Variants in GNG7 observed in about 807,000 individuals in gnomAD.
GNG7 encodes the protein G protein subunit gamma 7.
GNG7 carries 1 observed loss-of-function variant against 4.0 expected under a neutral mutation model. The ratio of observed to expected loss-of-function variants is 0.25; its 90% CI spans 0.09 to 1.18. The LOEUF is 1.18. Ranked by LOEUF, GNG7 falls within the 50% of genes most tolerant of loss-of-function variation. The probability of loss-of-function intolerance (pLI) is 0.50; values close to 1 mark genes in which losing one functional copy is unlikely to be tolerated. For synonymous variants in GNG7, 34 were observed against 36.9 expected, an observed-to-expected ratio of 0.92 and a Z score of 0.29; for missense variants, 86 against 91.9, an observed-to-expected ratio of 0.94 and a Z score of 0.26.
At chr19:2,584,133 C>T (rs1272698434) in intron 2 of GNG7, among the ~76,000 whole-genome samples, 1 of 151,856 alleles carries the variant, frequency 6.6e-6, no homozygotes, top group Non-Finnish European at 1.5e-5. Context: ...ATTATGGCAA[C>T]GTATCAGAAG....
At chr19:2,585,475 T>C (rs1418130295) in intron 2 of GNG7, among the ~76,000 whole-genome samples, 1 of 132,900 alleles carries the variant, frequency 7.5e-6, no homozygotes. Context: ...TGTAAACAGT[T>C]GGCATATTTG....
rs566569095 is a variant in GNG7, at chr19:2,512,270, G to A, written c.*2752C>T. ...CACCCCAGGGATTCCCGGCAGAAAA[G>A]CACATGTGGCGGTCGGTGTGTGCAC... On this transcript the variant is annotated 3_prime_UTR_variant, in exon 5 of 5. Transcript: ENST00000382159. The surrounding 1 kb of genome is among the most constrained non-coding windows in gnomAD (Gnocchi z 4.7). 3.4e-4 allele frequency: 337 copies of A among 985,886 alleles called. No homozygotes were observed. The African/African-American group carries it at 5.1e-3, about 15-fold the overall frequency. 61.1% of individuals were successfully genotyped at this position (985,886 alleles called of 1,614,324 possible). A position where few individuals can be genotyped will look rare whatever the true frequency, so the allele number is the denominator to read the frequency against.
rs1802200721 is a variant in GNG7, at chr19:2,634,618, G to T, written c.-78+11606C>A. On this transcript the variant is annotated intron_variant, in intron 2 of 4. Coordinates refer to ENST00000382159, the MANE Select transcript of GNG7 (RefSeq NM_052847.3). This position sits in a 1 kb window ranked among gnomAD's most constrained non-coding sequence, Gnocchi z 5.3. ...GCACACACGTTTTCTCTCGGGGAGG[G>T]TGGTAGCAATGAGCTGTGACCTTCC... Among the ~76,000 whole-genome samples the T allele has an allele frequency of 6.6e-6, 1 of 152,198 alleles. No individual in the cohort carries two copies. Among genetic ancestry groups the T allele is most frequent in the South Asian group, 2.1e-4 (1 of 4,832 alleles).
chr19:2,512,320 T>C lies in GNG7; in HGVS notation c.*2702A>G. 1 of 985,666 alleles carries C rather than the reference T, an allele frequency of 1.0e-6. No homozygotes were observed. The highest frequency in any genetic ancestry group is 4.7e-5 in the South Asian group (1 of 21,272). The allele number at this position is 985,666 out of a possible 1,614,324, so 61.1% of individuals were successfully genotyped here. A position where few individuals can be genotyped will look rare whatever the true frequency, so the allele number is the denominator to read the frequency against. On this transcript the variant is annotated 3_prime_UTR_variant, in exon 5 of 5. Transcript: ENST00000382159. The surrounding 1 kb of genome is among the most constrained non-coding windows in gnomAD (Gnocchi z 4.7). ...CTCGGGTGCCACGTCTGCAAAGGTATTTTCCACAGTGTGGTCACTGAAGTC... is the reference window on the plus strand; with the variant it reads ...CTCGGGTGCCACGTCTGCAAAGGTACTTTCCACAGTGTGGTCACTGAAGTC...
intron 1 of GNG7, chr19:2,683,741 A>T (rs1983800701): frequency 6.6e-6 from 1 of 152,478 alleles, no homozygotes; most frequent in South Asian, 2.1e-4. Context: ...ACCCTGGAGG[A>T]GGAGGGAGGG....
At chr19:2,598,020 G>A (rs1981078329) in intron 2 of GNG7, among the ~76,000 whole-genome samples, 1 of 152,156 alleles carries the variant, frequency 6.6e-6, no homozygotes, top group Admixed American at 6.6e-5. Context: ...GAAAAGTCTA[G>A]GGAGTTTCAG....
At chr19:2,644,208 A>T (rs894614169) in intron 2 of GNG7, among the ~76,000 whole-genome samples, 34 of 151,138 alleles carry the variant, frequency 2.2e-4, no homozygotes, top group African/African-American at 8.3e-4. Flanking sequence ...TTTAGTAGAA[A>T]CGGGGTTTCG....
chr19:2,552,689 G>T (rs939181660), intron 3 of GNG7, among the ~76,000 whole-genome samples: 1 of 151,444 alleles, frequency 6.6e-6, no homozygotes, highest in Non-Finnish European at 1.5e-5. Context: ...CCAGCCCAGG[G>T]ACCATCTAGT....
rs1191949913 is a variant in GNG7 at position 2,517,011 on chromosome 19, C to T, written c.82-1864G>A. On this transcript the variant is annotated intron_variant, in intron 4 of 4. Transcript: ENST00000382159. ...TACACGGGGACACGTCCATCTGGCC[C>T]TGGATCTCATCCCGTAACCGGTAAC... 3 of 152,222 alleles carry T rather than the reference C, an allele frequency of 2.0e-5. No individual in the cohort carries two copies. The East Asian group carries it at 5.8e-4, about 29-fold the overall frequency. The allele number at this position is 152,222 out of a possible 1,614,324, so 9.4% of individuals were successfully genotyped here.
At chr19:2,590,826 T>C (rs1276714587) in intron 2 of GNG7, among the ~76,000 whole-genome samples, 8 of 107,154 alleles carry the variant, frequency 7.5e-5, no homozygotes, top group African/African-American at 1.5e-4. Context: ...CCCAACCAAC[T>C]ATCCATCCAT....
intron 2 of GNG7, among the ~76,000 whole-genome samples, chr19:2,589,943 C>T (rs1980790465): frequency 2.0e-5 from 3 of 152,182 alleles, no homozygotes; most frequent in Non-Finnish European, 4.4e-5. Flanking sequence ...TCCCGAGTAG[C>T]TTGAATTACA....
Position 2,536,140 on chromosome 19 carries a change from G to A in GNG7, c.-37-15415C>T, listed in dbSNP as rs144328687. Among the ~76,000 whole-genome samples, 1,098 of 151,980 alleles carry A rather than the reference G, an allele frequency of 7.2e-3. 24 individuals carry two copies. Among genetic ancestry groups the A allele is most frequent in the Middle Eastern group, 0.024 (7 of 294 alleles). On this transcript the variant is annotated intron_variant, in intron 3 of 4. Transcript: ENST00000382159. ...CATATCTCAAAAAGAAAAGAAGGCCGGGCGCGGTGGCTCCCACCCGTAATC... is the reference window on the plus strand; with the variant it reads ...CATATCTCAAAAAGAAAAGAAGGCCAGGCGCGGTGGCTCCCACCCGTAATC...
chr19:2,695,289 C>T (rs766847471), intron 1 of GNG7, among the ~76,000 whole-genome samples: 3 of 151,506 alleles, frequency 2.0e-5, no homozygotes, highest in African/African-American at 4.9e-5. Flanking sequence ...CTCTCTACCC[C>T]CCTGGACGAC....
At chr19:2,604,562 G>A (rs1394279718) in intron 2 of GNG7, among the ~76,000 whole-genome samples, 7 of 136,858 alleles carry the variant, frequency 5.1e-5, no homozygotes, top group African/African-American at 1.1e-4. Flanking sequence ...GGAAGGAAGC[G>A]AGGGACAGAG....
intron 2 of GNG7, among the ~76,000 whole-genome samples, chr19:2,596,151 G>C (rs1056585626): frequency 2.0e-5 from 3 of 152,168 alleles, no homozygotes; most frequent in African/African-American, 7.2e-5. Flanking sequence ...CTGAGGTCAG[G>C]AGTTTGGGAC....
chr19:2,596,369 A>AT (rs1568256860), intron 2 of GNG7, among the ~76,000 whole-genome samples: 6 of 62,360 alleles, frequency 9.6e-5, no homozygotes. Context: ...TAAAATTAAA[A>AT]TAAAAAATAG....
At chr19:2,668,907 C>G (rs1037490544) in intron 1 of GNG7, among the ~76,000 whole-genome samples, 1 of 152,210 alleles carries the variant, frequency 6.6e-6, no homozygotes, top group Non-Finnish European at 1.5e-5. Context: ...ACCCCTCAAC[C>G]GCAAATGTCC....
chr19:2,562,983 C>T (rs531973847), intron 2 of GNG7, among the ~76,000 whole-genome samples: 66 of 151,960 alleles, frequency 4.3e-4, no homozygotes, highest in Non-Finnish European at 8.1e-4. Context: ...CTCGCTCTGT[C>T]GCCCAGGCTG....
At chr19:2,553,682 A>G (rs904587332) in intron 3 of GNG7, among the ~76,000 whole-genome samples, 4 of 142,402 alleles carry the variant, frequency 2.8e-5, no homozygotes, top group Non-Finnish European at 6.2e-5. Context: ...GTAATATGTT[A>G]TATTACACAC....
Sources: gnomAD v4.1 joint callset for allele counts (sites outside exome capture counted in the v4.1 genomes callset) on GRCh38, gnomAD v4.1.1 for gene constraint, Gnocchi (gnomAD v3.1) non-coding constraint, MANE v1.5 for transcripts, NCBI Gene and HGNC (gene_info 2026-07-23, HGNC 2026-07-21) for gene names.